RBFOX1: variants seen among roughly 807,000 people sequenced by gnomAD.
The protein encoded by RBFOX1 is RNA binding protein fox-1 homolog 1.
In RBFOX1, 8 loss-of-function variants were observed where a neutral mutation model predicts 57.7. That is an observed-to-expected ratio of 0.14 (90% CI 0.08 to 0.25). The LOEUF (loss-of-function observed/expected upper bound fraction) is 0.25. Among genes scored for constraint, RBFOX1 ranks in the 10% least tolerant of loss-of-function variants. The probability of loss-of-function intolerance (pLI) is 1.00; values close to 1 mark genes in which losing one functional copy is unlikely to be tolerated. For missense variants in RBFOX1, 611 were observed against 548.5 expected (o/e 1.11, Z -1.14); for synonymous variants, 326 against 222.4 (o/e 1.47, Z -4.15).
intron 3 of RBFOX1, among the ~76,000 whole-genome samples, chr16:6,990,349 A>G (rs142842356): frequency 0.066 from 9,971 of 152,044 alleles, 399 homozygotes; most frequent in South Asian, 0.17. Context: ...ACATGGTGAA[A>G]CCCCATTTCT....
chr16:6,996,371 G>A (rs905986065), intron 3 of RBFOX1, among the ~76,000 whole-genome samples: 6 of 152,130 alleles, frequency 3.9e-5, no homozygotes, highest in African/African-American at 9.7e-5. Flanking sequence ...GTGCATGTGT[G>A]TGTGTGCATA....
chr16:5,637,557 A>G (rs1216148868), intron 3 of RBFOX1, among the ~76,000 whole-genome samples: 4 of 152,220 alleles, frequency 2.6e-5, no homozygotes, highest in African/African-American at 9.6e-5. Flanking sequence ...TGTATCCTCA[A>G]TAAATCTAGT....
intron 5 of RBFOX1, among the ~76,000 whole-genome samples, chr16:7,556,490 A>G (rs2088528262): frequency 6.6e-6 from 1 of 152,240 alleles, no homozygotes; most frequent in African/African-American, 2.4e-5. Flanking sequence ...GGAATATTAT[A>G]AGGTTTATTT....
At chr16:5,653,859 C>T (rs974030085) in intron 3 of RBFOX1, among the ~76,000 whole-genome samples, 1 of 152,156 alleles carries the variant, frequency 6.6e-6, no homozygotes, top group Non-Finnish European at 1.5e-5. Context: ...CAAACTCAGC[C>T]AAGACCAGTG....
rs142872491 is a variant in RBFOX1, at chr16:5,786,544, C to G, written c.319-80759C>G. Among the ~76,000 whole-genome samples the G allele has an allele frequency of 2.5e-4, 38 of 152,236 alleles. No homozygotes were observed. In the East Asian group the frequency reaches 6.6e-3, roughly 26 times the overall value. ...TGCCTCGAGAGGGTTCTGCACTACC[C>G]CAGTGTGGGGAACAGAGCTTGCTCT... On this transcript the variant is annotated intron_variant, in intron 3 of 19. Coordinates refer to the RBFOX1 transcript ENST00000641259.
intron 1 of RBFOX1, among the ~76,000 whole-genome samples, chr16:6,068,912 C>T (rs745609386): frequency 2.6e-5 from 4 of 152,068 alleles, no homozygotes; most frequent in African/African-American, 4.8e-5. Context: ...ATAAGCATTC[C>T]GACACTCAGT....
intron 14 of RBFOX1, among the ~76,000 whole-genome samples, chr16:7,695,831 A>G (rs1055281598): frequency 2.6e-5 from 4 of 152,138 alleles, no homozygotes; most frequent in Non-Finnish European, 5.9e-5. Flanking sequence ...ATGGAGAAAA[A>G]AAAATCAACA....
At chr16:6,678,188 A>G (rs1483181040) in intron 3 of RBFOX1, among the ~76,000 whole-genome samples, 1 of 152,210 alleles carries the variant, frequency 6.6e-6, no homozygotes, top group Non-Finnish European at 1.5e-5. Flanking sequence ...CAGTGGCACA[A>G]TCTCGGTTCA....
rs182475587 is a variant in RBFOX1 at position 6,633,286 on chromosome 16, A to G, written c.-63-21317A>G. 4.8e-3 allele frequency among the ~76,000 whole-genome samples: 732 copies of G among 151,750 alleles called. 10 individuals are homozygous for G. Among genetic ancestry groups the G allele is most frequent in the African/African-American group, 0.016 (663 of 41,380 alleles). On this transcript the variant is annotated intron_variant, in intron 2 of 15. Coordinates refer to ENST00000550418, the MANE Select transcript of RBFOX1 (RefSeq NM_018723.4). Reference sequence around the variant, plus strand: ...GTTCTTGAGTCTTTATTTTTATTTTATTTTTTTTGAGACAGAGTGTCACTC... The same window carrying G: ...GTTCTTGAGTCTTTATTTTTATTTTGTTTTTTTTGAGACAGAGTGTCACTC...
intron 3 of RBFOX1, among the ~76,000 whole-genome samples, chr16:6,805,983 G>A (rs77352435): frequency 6.6e-6 from 1 of 152,108 alleles, no homozygotes; most frequent in Non-Finnish European, 1.5e-5. Flanking sequence ...GTTACCTTTT[G>A]TGAGGTGAGA....
At position 6,907,844 on chromosome 16, in the gene RBFOX1, G is replaced by A. The variant is rs186520168; in HGVS notation, c.-15-144213G>A. Among the ~76,000 whole-genome samples, 499 of 151,820 alleles carry A rather than the reference G, an allele frequency of 3.3e-3. 5 individuals are homozygous for A. Among genetic ancestry groups the A allele is most frequent in the African/African-American group, 0.011 (473 of 41,522 alleles). On this transcript the variant is annotated intron_variant, in intron 3 of 15. Transcript: ENST00000550418. ...CCGCCTCGGCCTCCCAAAGTGCTGGGATTACAGGCATGAGCCCCCATGCCC... is the reference window on the plus strand; with the variant it reads ...CCGCCTCGGCCTCCCAAAGTGCTGGAATTACAGGCATGAGCCCCCATGCCC...
At chr16:6,740,514 T>C (rs1393830478) in intron 3 of RBFOX1, among the ~76,000 whole-genome samples, 2 of 152,186 alleles carry the variant, frequency 1.3e-5, no homozygotes, top group South Asian at 4.1e-4. Flanking sequence ...CCACACACAT[T>C]TTGTGGACTG....
chr16:7,132,713 G>C (rs1233380434), intron 4 of RBFOX1, among the ~76,000 whole-genome samples: 1 of 151,922 alleles, frequency 6.6e-6, no homozygotes, highest in Non-Finnish European at 1.5e-5. Context: ...ATTATGCTAA[G>C]CGAAATCAAC....
At chr16:5,680,096 G>C (rs935884452) in intron 3 of RBFOX1, among the ~76,000 whole-genome samples, 24 of 152,318 alleles carry the variant, frequency 1.6e-4, no homozygotes, top group African/African-American at 5.5e-4. Context: ...ATCAACAAAG[G>C]CGTCAGAAGA....
At chr16:6,792,206 C>G (rs945654649) in intron 3 of RBFOX1, among the ~76,000 whole-genome samples, 1 of 152,068 alleles carries the variant, frequency 6.6e-6, no homozygotes, top group Admixed American at 6.5e-5. Context: ...AATAACAAAA[C>G]AAGGTCAATT....
rs555430037 is a variant in RBFOX1 at position 6,563,903 on chromosome 16, T to C, written c.-63-90700T>C. Among the ~76,000 whole-genome samples the C allele has an allele frequency of 8.8e-4, 134 of 152,016 alleles. 5 individuals are homozygous for C. The South Asian group carries it at 0.026, about 29-fold the overall frequency. ...ATGTGTGTGTGTGTATATGTGCGTA[T>C]ATGTGTGTGTGTGTATATATATATA... On this transcript the variant is annotated intron_variant, in intron 2 of 15. Coordinates refer to ENST00000550418, the MANE Select transcript of RBFOX1 (RefSeq NM_018723.4).
At chr16:5,556,117 T>C (rs1338960155) in intron 2 of RBFOX1, among the ~76,000 whole-genome samples, 1 of 152,170 alleles carries the variant, frequency 6.6e-6, no homozygotes, top group Non-Finnish European at 1.5e-5. Flanking sequence ...TAAGCCAGCG[T>C]GTTAGAATTT....
intron 3 of RBFOX1, among the ~76,000 whole-genome samples, chr16:6,950,627 T>C (rs118008179): frequency 0.01 from 1,595 of 152,272 alleles, 14 homozygotes; most frequent in Admixed American, 0.024. Flanking sequence ...GTGTGCCTTA[T>C]GTAGAAGCTC....
At chr16:7,253,088 G>T (rs556496943) in intron 4 of RBFOX1, among the ~76,000 whole-genome samples, 2 of 152,116 alleles carry the variant, frequency 1.3e-5, no homozygotes, top group South Asian at 2.1e-4. Context: ...TTTAAACACA[G>T]CATCACTGGA....
Sources: gnomAD v4.1 joint callset for allele counts (sites outside exome capture counted in the v4.1 genomes callset) on GRCh38, gnomAD v4.1.1 for gene constraint, MANE v1.5 for transcripts, NCBI Gene and HGNC (gene_info 2026-07-23, HGNC 2026-07-21) for gene names.